The following CNTNAP4 variants were observed in gnomAD, a reference collection of about 807,000 sequenced individuals.
The protein encoded by CNTNAP4 is contactin associated protein family member 4.
In CNTNAP4, 98 loss-of-function variants were observed where a neutral mutation model predicts 148.4. The ratio of observed to expected loss-of-function variants is 0.66; its 90% CI spans 0.56 to 0.78. The LOEUF (loss-of-function observed/expected upper bound fraction) is 0.78, where lower values mean the gene tolerates loss of function less well. Ranked by LOEUF, CNTNAP4 falls within the 30% of genes least tolerant of loss-of-function variation. CNTNAP4 has a pLI of 0.00. For synonymous variants in CNTNAP4, 730 were observed against 565.1 expected (o/e 1.29, Z -4.14); for missense variants, 1,935 against 1,565.6 (o/e 1.24, Z -3.98).
At chr16:76,431,431 G>A (rs1008418027) in intron 4 of CNTNAP4, among the ~76,000 whole-genome samples, 1 of 152,090 alleles carries the variant, frequency 6.6e-6, no homozygotes, top group African/African-American at 2.4e-5. Context: ...TGTAATTCCA[G>A]GACTTTGGAA....
intron 1 of CNTNAP4, among the ~76,000 whole-genome samples, chr16:76,297,800 T>C (rs912344515): frequency 6.6e-5 from 10 of 152,214 alleles, no homozygotes; most frequent in African/African-American, 2.4e-4. Context: ...TTAATTTTGT[T>C]TGGCATCTGC....
chr16:76,430,365 GCTAGGACTA>G (rs2079563654), intron 4 of CNTNAP4, among the ~76,000 whole-genome samples: 1 of 152,116 alleles, frequency 6.6e-6, no homozygotes, highest in South Asian at 2.1e-4. Flanking sequence ...CAAAGAAATA[GCTAGGACTA>G]CTGGCTTTCC....
chr16:76,362,084 T>A (rs960732393), intron 3 of CNTNAP4, among the ~76,000 whole-genome samples: 1 of 152,124 alleles, frequency 6.6e-6, no homozygotes, highest in African/African-American at 2.4e-5. Context: ...ACTATTATTA[T>A]ATATTTAGTT....
At chr16:76,339,207 T>G (rs13337920) in intron 2 of CNTNAP4, among the ~76,000 whole-genome samples, 4,144 of 152,180 alleles carry the variant, frequency 0.027, 189 homozygotes, top group African/African-American at 0.095. Context: ...AACTGTCTAA[T>G]GTCTTGTGCT....
Position 76,448,828 on chromosome 16 carries a change from T to C in CNTNAP4, c.804T>C (p.Asp268=). ...ATCTCACCCTGGGCAGCCTGCTAGA[T>C]GATCAGCATTGGCATTCAGTGCTCA... ...LVNLTLGSLL[D]DQHWHSVLIQ... is the part of the protein sequence containing the mutation. Residue 268 remains aspartate, a synonymous_variant, in exon 6 of 24, where the codon GAT becomes GAC. Transcript: ENST00000611870. The C allele has an allele frequency of 6.2e-7, 1 of 1,612,798 alleles. No individual in the cohort carries two copies. Among genetic ancestry groups the C allele is most frequent in the Non-Finnish European group, 8.5e-7 (1 of 1,179,452 alleles).
Position 76,462,069 on chromosome 16 carries a change from G to T in CNTNAP4, c.1447G>T (p.Glu483Ter). Reference sequence around the variant, plus strand: ...TTCTGCTGCTCCTCTGCTGGGGCCTGAGCAGATTTATTCGGGTGGCACCTA... The same window carrying T: ...TTCTGCTGCTCCTCTGCTGGGGCCTTAGCAGATTTATTCGGGTGGCACCTA... ...MASAAPLLGP[E>*]QIYSGGTYYF... Residue 483 changes from glutamate to a stop codon, truncating the protein, a stop_gained, in exon 9 of 24, where the codon GAG becomes TAG. Coordinates refer to ENST00000611870, the MANE Select transcript of CNTNAP4 (RefSeq NM_033401.5). LOFTEE classifies it high-confidence loss of function. The T allele has an allele frequency of 6.2e-7, 1 of 1,613,770 alleles. No homozygotes were observed. Among genetic ancestry groups the T allele is most frequent in the South Asian group, 1.1e-5 (1 of 91,044 alleles).
chr16:76,309,417 C>T (rs1054613370), intron 1 of CNTNAP4, among the ~76,000 whole-genome samples: 2 of 152,092 alleles, frequency 1.3e-5, no homozygotes, highest in African/African-American at 2.4e-5. Context: ...AGTAAAGGGG[C>T]AGGCTCAGGT....
At chr16:76,331,934 G>A (rs8058722) in intron 2 of CNTNAP4, among the ~76,000 whole-genome samples, 18,063 of 152,010 alleles carry the variant, frequency 0.12, 1,460 homozygotes, top group East Asian at 0.32. Context: ...TTGCTTATTC[G>A]GGAATGTCAC....
At chr16:76,365,222 C>G (rs779330351) in intron 3 of CNTNAP4, among the ~76,000 whole-genome samples, 4 of 152,054 alleles carry the variant, frequency 2.6e-5, no homozygotes, top group Admixed American at 2.0e-4. Flanking sequence ...CTGTTCTGTT[C>G]CCTTGGTCTA....
At chr16:76,442,385 G>T (rs2080079165) in intron 4 of CNTNAP4, among the ~76,000 whole-genome samples, 1 of 152,102 alleles carries the variant, frequency 6.6e-6, no homozygotes, top group African/African-American at 2.4e-5. Context: ...TATGTTTGTG[G>T]TTATTTGTTT....
At position 76,498,635 on chromosome 16, in the gene CNTNAP4, C is replaced by T. The variant is rs778218640; in HGVS notation, c.2306C>T (p.Thr769Ile). 6.2e-7 allele frequency: 1 copy of T among 1,612,950 alleles called. No homozygotes were observed. Among genetic ancestry groups the T allele is most frequent in the Non-Finnish European group, 8.5e-7 (1 of 1,179,374 alleles). ...LPVTKIVITD[T>I]GRLHSEAAYK... ...GTAACTAAGATCGTGATTACAGACA[C>T]AGGCCGACTGCATTCAGAAGCAGCT... The change falls in exon 15 of 24, where the codon ACA becomes ATA. Residue 769 changes from threonine to isoleucine, a missense_variant. Transcript: ENST00000611870.
chr16:76,380,611 T>G (rs1472116414), intron 3 of CNTNAP4, among the ~76,000 whole-genome samples: 1 of 152,190 alleles, frequency 6.6e-6, no homozygotes, highest in Non-Finnish European at 1.5e-5. Context: ...AAACTAAATG[T>G]GATCGGGGGA....
At chr16:76,458,163 T>C (rs2080806733) in intron 8 of CNTNAP4, among the ~76,000 whole-genome samples, 2 of 152,216 alleles carry the variant, frequency 1.3e-5, no homozygotes, top group Non-Finnish European at 2.9e-5. Flanking sequence ...TTCTGTGATG[T>C]ATATGTGCCA....
intron 2 of CNTNAP4, among the ~76,000 whole-genome samples, chr16:76,342,426 A>G (rs747436596): frequency 6.6e-5 from 10 of 151,294 alleles, no homozygotes; most frequent in Non-Finnish European, 1.5e-4. Context: ...GGCTGACTCT[A>G]CAAATATTAT....
At chr16:76,465,932 T>C (rs1481992958) in intron 9 of CNTNAP4, among the ~76,000 whole-genome samples, 1 of 152,152 alleles carries the variant, frequency 6.6e-6, no homozygotes, top group Admixed American at 6.5e-5. Flanking sequence ...AAACAAAGCA[T>C]TAAGGAAAAA....
In CNTNAP4 at chr16:76,539,718, G is replaced by A; in HGVS notation, c.3221-1G>A. ...AGAATCACAATTTTTCCCCACTCTA[G>A]GAAGTTTGCAGATCAGGTACAAGTT... On this transcript the variant is annotated splice_acceptor_variant, in intron 19 of 23. Transcript: ENST00000611870. LOFTEE classifies it high-confidence loss of function. 2 of 1,589,134 alleles carry A rather than the reference G, an allele frequency of 1.3e-6. No individual in the cohort carries two copies. The highest frequency in any genetic ancestry group is 1.4e-5 in the African/African-American group (1 of 73,308).
intron 19 of CNTNAP4, among the ~76,000 whole-genome samples, chr16:76,539,037 A>G (rs761145144): frequency 6.6e-6 from 1 of 151,932 alleles, no homozygotes; most frequent in East Asian, 1.9e-4. Flanking sequence ...TGAACACCAA[A>G]ATAAAAATAA....
chr16:76,361,687 T>C (rs1432690531), intron 3 of CNTNAP4, among the ~76,000 whole-genome samples: 1 of 152,240 alleles, frequency 6.6e-6, no homozygotes, highest in East Asian at 1.9e-4. Flanking sequence ...GGATCAGGAT[T>C]GCTGAATCAC....
At chr16:76,439,366 A>G (rs932937196) in intron 4 of CNTNAP4, among the ~76,000 whole-genome samples, 4 of 152,162 alleles carry the variant, frequency 2.6e-5, no homozygotes, top group African/African-American at 4.8e-5. Context: ...AGTATACAAA[A>G]TAATGTTGAG....
Sources: gnomAD v4.1 joint callset for allele counts (sites outside exome capture counted in the v4.1 genomes callset) on GRCh38, gnomAD v4.1.1 for gene constraint, MANE v1.5 for transcripts, NCBI Gene and HGNC (gene_info 2026-07-23, HGNC 2026-07-21) for gene names.